Variants in CDIP1 observed in about 807,000 individuals in gnomAD.
CDIP1 encodes cell death inducing p53 target 1.
A neutral mutation model predicts 17.7 loss-of-function variants in CDIP1; 9 were observed. The ratio of observed to expected loss-of-function variants is 0.51; its 90% CI spans 0.31 to 0.89. The LOEUF (loss-of-function observed/expected upper bound fraction) is 0.89, where lower values mean the gene tolerates loss of function less well. CDIP1 is among the 40% of genes least tolerant of loss of function. CDIP1 has a pLI of 0.05. For synonymous variants in CDIP1, 117 were observed against 109.5 expected, an observed-to-expected ratio of 1.07 and a Z score of -0.43; for missense variants, 263 against 277.9, an observed-to-expected ratio of 0.95 and a Z score of 0.38.
At position 4,512,640 on chromosome 16, in the gene CDIP1, A is replaced by T; in HGVS notation, c.559T>A (p.Phe187Ile). The change falls in exon 6 of 6, where the codon TTC (phenylalanine) becomes ATC (isoleucine). Residue 187 changes from phenylalanine (F) to isoleucine (I), a missense_variant. By Grantham distance (21) the Phe-to-Ile change is conservative (BLOSUM62 0). Transcript: ENST00000567695. This position sits in a 1 kb window ranked among gnomAD's most constrained non-coding sequence, Gnocchi z 4.6. ...GGGCATGTGTGCGTCACATCCTTGA[A>T]GTCATTGATGAGGCAGGGGATCAGG... ...CCLIPCLIND[F>I]KDVTHTCPSC... 6.2e-7 allele frequency: 1 copy of T among 1,614,040 alleles called. No homozygotes were observed. The highest frequency in any genetic ancestry group is 8.5e-7 in the Non-Finnish European group (1 of 1,179,948).
chr16:4,536,239 C>T (rs2059104923), intron 1 of CDIP1, among the ~76,000 whole-genome samples: 1 of 152,224 alleles, frequency 6.6e-6, no homozygotes, highest in Non-Finnish European at 1.5e-5. Flanking sequence ...CAGGGCCTAT[C>T]TTTTCTCTCC....
At chr16:4,523,661 G>A (rs1298302906) in intron 1 of CDIP1, among the ~76,000 whole-genome samples, 1 of 152,194 alleles carries the variant, frequency 6.6e-6, no homozygotes, top group Non-Finnish European at 1.5e-5. Context: ...CCAGGGCACA[G>A]TAGAAGGACA....
At chr16:4,530,356 A>T (rs537740517) in intron 1 of CDIP1, among the ~76,000 whole-genome samples, 6 of 152,340 alleles carry the variant, frequency 3.9e-5, no homozygotes, top group Non-Finnish European at 8.8e-5. Flanking sequence ...GCATTATATG[A>T]AACAGTATAT....
At chr16:4,521,678 C>T (rs1471678116) in intron 1 of CDIP1, among the ~76,000 whole-genome samples, 1 of 124,588 alleles carries the variant, frequency 8.0e-6, no homozygotes, top group East Asian at 2.5e-4. Context: ...GCCTGGACAA[C>T]ATGGCAAGAC....
rs527596671 is a variant in CDIP1 at position 4,513,782 on chromosome 16, G to A, written c.155C>T (p.Pro52Leu). Residue 52 changes from proline to leucine, a missense_variant, in exon 4 of 6, where the codon CCA becomes CTA. By Grantham distance (98) the Pro-to-Leu change is moderately conservative. Transcript: ENST00000567695. This position sits in a 1 kb window ranked among gnomAD's most constrained non-coding sequence, Gnocchi z 4.1. ...TGGGTGACCCGGCGGCTCATAGGGTGGGGGGCCAATGTCCGCAGGGGGCAG... is the reference window on the plus strand; with the variant it reads ...TGGGTGACCCGGCGGCTCATAGGGTAGGGGGCCAATGTCCGCAGGGGGCAG... ...MPLPPADIGP[P>L]PYEPPGHPMP... The A allele has an allele frequency of 1.9e-6, 3 of 1,607,208 alleles. No individual in the cohort carries two copies. Among genetic ancestry groups the A allele is most frequent in the East Asian group, 4.5e-5 (2 of 44,790 alleles).
At chr16:4,530,834 C>T (rs894499602) in intron 1 of CDIP1, among the ~76,000 whole-genome samples, 1 of 151,606 alleles carries the variant, frequency 6.6e-6, no homozygotes, top group Non-Finnish European at 1.5e-5. Context: ...CAAGACTCTG[C>T]CTCAAAAAAA....
chr16:4,516,722 T>C (rs113185032), intron 1 of CDIP1, among the ~76,000 whole-genome samples: 88 of 133,748 alleles, frequency 6.6e-4, no homozygotes, highest in African/African-American at 2.7e-3. Context: ...TTTTTTTTTT[T>C]TGTGAGACAG....
At chr16:4,517,825 C>T (rs946358375) in intron 1 of CDIP1, among the ~76,000 whole-genome samples, 1 of 152,046 alleles carries the variant, frequency 6.6e-6, no homozygotes, top group Non-Finnish European at 1.5e-5. Context: ...CCAGGCTGCT[C>T]CTAGCCTGCC....
chr16:4,532,590 CCCA>C (rs1473610796), intron 1 of CDIP1: 1 of 152,212 alleles, frequency 6.6e-6, no homozygotes, highest in Non-Finnish European at 1.5e-5. Flanking sequence ...ATCATTTCGC[CCCA>C]CGACTCTCCA....
At chr16:4,530,497 A>G (rs113455371) in intron 1 of CDIP1, among the ~76,000 whole-genome samples, 145 of 152,204 alleles carry the variant, frequency 9.5e-4, no homozygotes, top group African/African-American at 3.4e-3. Context: ...TAGAAATACA[A>G]AATTAGCCGG....
intron 1 of CDIP1, among the ~76,000 whole-genome samples, chr16:4,528,997 T>A (rs543859041): frequency 3.3e-5 from 5 of 151,786 alleles, no homozygotes; most frequent in South Asian, 2.1e-4. Flanking sequence ...CTCAAAAAAA[T>A]ATATATATAC....
Position 4,512,275 on chromosome 16 carries a change from C to G in CDIP1, c.*297G>C, listed in dbSNP as rs190701639. 1 of 490,496 alleles carries G rather than the reference C, an allele frequency of 2.0e-6. No homozygotes were observed. Among genetic ancestry groups the G allele is most frequent in the Admixed American group, 3.3e-5 (1 of 29,932 alleles). The allele number at this position is 490,496 out of a possible 1,614,324, so 30.4% of individuals were successfully genotyped here. A position where few individuals can be genotyped will look rare whatever the true frequency, so the allele number is the denominator to read the frequency against. ...TGTTTGGAAACAGAGGCATCAGGACCCCAGCAGGAGACCCCTCCCAGCTTA... is the reference window on the plus strand; with the variant it reads ...TGTTTGGAAACAGAGGCATCAGGACGCCAGCAGGAGACCCCTCCCAGCTTA... On this transcript the variant is annotated 3_prime_UTR_variant, in exon 6 of 6. Coordinates refer to ENST00000567695, the MANE Select transcript of CDIP1 (RefSeq NM_013399.3). The surrounding 1 kb of genome is among the most constrained non-coding windows in gnomAD (Gnocchi z 4.6).
At chr16:4,519,998 C>G (rs747766249) in intron 1 of CDIP1, among the ~76,000 whole-genome samples, 2 of 152,156 alleles carry the variant, frequency 1.3e-5, no homozygotes, top group Non-Finnish European at 1.5e-5. Flanking sequence ...TAGACTAAGA[C>G]ACCAGCCTCC....
intron 1 of CDIP1, among the ~76,000 whole-genome samples, chr16:4,525,682 C>G (rs1297382974): frequency 6.6e-6 from 1 of 152,194 alleles, no homozygotes; most frequent in African/African-American, 2.4e-5. Context: ...GGGTGATGAG[C>G]AGGAAAGAGG....
chr16:4,525,299 C>T (rs1046273266), intron 1 of CDIP1, among the ~76,000 whole-genome samples: 1 of 152,120 alleles, frequency 6.6e-6, no homozygotes, highest in African/African-American at 2.4e-5. Flanking sequence ...AAACAGGCCC[C>T]GAGAGAAGTG....
chr16:4,525,779 C>A (rs1393512824), intron 1 of CDIP1, among the ~76,000 whole-genome samples: 2 of 152,206 alleles, frequency 1.3e-5, no homozygotes, highest in Non-Finnish European at 2.9e-5. Flanking sequence ...GCCAATGTGT[C>A]CCCTTCTCTG....
In CDIP1 at chr16:4,514,929, C is replaced by T. The variant is rs2141629948; in HGVS notation, c.-104-265G>A. The T allele has an allele frequency of 6.5e-6, 1 of 152,782 alleles. No individual in the cohort carries two copies. The highest frequency in any genetic ancestry group is 2.1e-4 in the South Asian group (1 of 4,842). 9.5% of individuals were successfully genotyped at this position (152,782 alleles called of 1,614,324 possible). On this transcript the variant is annotated intron_variant, in intron 1 of 5. Coordinates refer to ENST00000567695, the MANE Select transcript of CDIP1 (RefSeq NM_013399.3). The surrounding 1 kb of genome is among the most constrained non-coding windows in gnomAD (Gnocchi z 5.2). ...CCTCCCCTCCCACCAGGCCTGAGCTCCCATGCATGAGGACTGGACTGCCAG... is the reference window on the plus strand; with the variant it reads ...CCTCCCCTCCCACCAGGCCTGAGCTTCCATGCATGAGGACTGGACTGCCAG...
Position 4,513,278 on chromosome 16 carries a change from C to A in CDIP1, c.242-214G>T, listed in dbSNP as rs2058852611. ...TTCTCCCAGCCCTTCCTGGTCCCCA[C>A]CCCTTGGGGCCCATGACAGATGTGG... On this transcript the variant is annotated intron_variant, in intron 4 of 5. Coordinates refer to ENST00000567695, the MANE Select transcript of CDIP1 (RefSeq NM_013399.3). This position sits in a 1 kb window ranked among gnomAD's most constrained non-coding sequence, Gnocchi z 4.1. Among the ~76,000 whole-genome samples the A allele has an allele frequency of 6.6e-6, 1 of 152,162 alleles. No individual in the cohort carries two copies. The highest frequency in any genetic ancestry group is 2.4e-5 in the African/African-American group (1 of 41,440).
intron 1 of CDIP1, among the ~76,000 whole-genome samples, chr16:4,534,561 T>C (rs1329637243): frequency 6.6e-6 from 1 of 152,212 alleles, no homozygotes; most frequent in Non-Finnish European, 1.5e-5. Flanking sequence ...CTGCCTCAGC[T>C]GGCCAAGTCC....
Sources: gnomAD v4.1 joint callset for allele counts (sites outside exome capture counted in the v4.1 genomes callset) on GRCh38, gnomAD v4.1.1 for gene constraint, Gnocchi (gnomAD v3.1) non-coding constraint, MANE v1.5 for transcripts, NCBI Gene and HGNC (gene_info 2026-07-23, HGNC 2026-07-21) for gene names.